Variants in SNRK observed in about 807,000 individuals in gnomAD.
SNRK encodes the protein SNF-related serine/threonine-protein kinase.
Under a neutral mutation model 48.2 loss-of-function variants are expected in SNRK, and 3 were observed. The observed-to-expected ratio is 0.06, with a 90% CI of 0.03 to 0.16. The LOEUF is 0.16. SNRK is among the 10% of genes least tolerant of loss of function. The pLI is 1.00. For missense variants in SNRK, 627 were observed against 976.0 expected, an observed-to-expected ratio of 0.64 and a Z score of 4.76; for synonymous variants, 376 against 366.1, an observed-to-expected ratio of 1.03 and a Z score of -0.31.
intron 3 of SNRK, among the ~76,000 whole-genome samples, chr3:43,305,265 A>G (rs1375576258): frequency 6.6e-6 from 1 of 152,126 alleles, no homozygotes; most frequent in East Asian, 1.9e-4. Context: ...CTATATATGC[A>G]CCTCAGAGTA....
intron 3 of SNRK, among the ~76,000 whole-genome samples, chr3:43,323,108 A>G (rs934625665): frequency 1.3e-5 from 2 of 152,146 alleles, no homozygotes; most frequent in African/African-American, 4.8e-5. Context: ...TTTTTCAGCA[A>G]TGCTGTGGCA....
chr3:43,324,524 AAAG>A (rs1317179559), intron 3 of SNRK, among the ~76,000 whole-genome samples: 1 of 152,060 alleles, frequency 6.6e-6, no homozygotes, highest in South Asian at 2.1e-4. Flanking sequence ...AAAAAAAAAA[AAAG>A]AATAAATCTT....
At chr3:43,340,601 A>G (rs1419609299) in intron 5 of SNRK, 102 bp downstream of exon 5, 9 of 999,874 alleles carry the variant, frequency 9.0e-6, no homozygotes, top group African/African-American at 4.9e-5. Flanking sequence ...AATAGATAAG[A>G]GTTCCCAGTT....
At chr3:43,302,121 C>T (rs2090902143) in intron 2 of SNRK, among the ~76,000 whole-genome samples, 1 of 152,156 alleles carries the variant, frequency 6.6e-6, no homozygotes, top group Admixed American at 6.5e-5. Context: ...TTGTGATTGA[C>T]AGTTGGAAAA....
In SNRK at chr3:43,286,573, C is replaced by G. The variant is rs1245689923; in HGVS notation, c.-271C>G. The G allele has an allele frequency of 6.6e-6, 1 of 150,698 alleles. No individual in the cohort carries two copies. The highest frequency in any genetic ancestry group is 1.9e-4 in the East Asian group (1 of 5,140). 9.3% of individuals were successfully genotyped at this position (150,698 alleles called of 1,614,324 possible). On this transcript the variant is annotated 5_prime_UTR_variant, in exon 1 of 7. Coordinates refer to ENST00000296088, the MANE Select transcript of SNRK (RefSeq NM_017719.5). ...GGCACCCCCTCCCCGCGGCCGGCAGCCCGCTCGGTATTATGATTAGCGCTG... is the reference window on the plus strand; with the variant it reads ...GGCACCCCCTCCCCGCGGCCGGCAGGCCGCTCGGTATTATGATTAGCGCTG...
chr3:43,303,973 G>A lies in SNRK; in HGVS notation c.589+181G>A, dbSNP rs1222378915. Among the ~76,000 whole-genome samples the A allele has an allele frequency of 1.3e-5, 2 of 152,158 alleles. No homozygotes were observed. The highest frequency in any genetic ancestry group is 4.8e-5 in the African/African-American group (2 of 41,428). ...GGCATTTCGTTTATTTCAACCTTTA[G>A]ATGGCAAATGTCTAAAGTATATTTG... On this transcript the variant is annotated intron_variant, in intron 3 of 6. Coordinates refer to ENST00000296088, the MANE Select transcript of SNRK (RefSeq NM_017719.5). This position sits in a 1 kb window ranked among gnomAD's most constrained non-coding sequence, Gnocchi z 6.2.
chr3:43,300,333 T>G (rs903686603), intron 2 of SNRK, among the ~76,000 whole-genome samples: 4 of 152,180 alleles, frequency 2.6e-5, no homozygotes, highest in Non-Finnish European at 4.4e-5. Context: ...AAAAAAAAGC[T>G]TTTTCATTTA....
At chr3:43,333,957 T>A (rs917858779) in intron 4 of SNRK, among the ~76,000 whole-genome samples, 1 of 151,766 alleles carries the variant, frequency 6.6e-6, no homozygotes, top group Non-Finnish European at 1.5e-5. Context: ...ACCAGCCTGA[T>A]CAACATGGTG....
intron 4 of SNRK, among the ~76,000 whole-genome samples, chr3:43,335,646 C>CT (rs1394179004): frequency 3.3e-5 from 5 of 152,126 alleles, no homozygotes; most frequent in African/African-American, 1.2e-4. Context: ...CCTACTGGAT[C>CT]TATCAGTTAC....
intron 1 of SNRK, among the ~76,000 whole-genome samples, chr3:43,288,078 A>G (rs1170148375): frequency 6.6e-6 from 1 of 152,216 alleles, no homozygotes; most frequent in African/African-American, 2.4e-5. Context: ...GAACAGGTGG[A>G]CATTCCCATT....
At chr3:43,308,836 T>G (rs1224510947) in intron 3 of SNRK, among the ~76,000 whole-genome samples, 3 of 152,210 alleles carry the variant, frequency 2.0e-5, no homozygotes, top group African/African-American at 7.2e-5. Context: ...AGGCTATGGC[T>G]GCCATTGGTA....
rs757110662 is a variant in SNRK, at chr3:43,347,914, G to A, written c.1655G>A (p.Arg552Gln). ...ETSDDDSESRRRLDKDSGFTY... is the reference protein window; with the variant it reads ...ETSDDDSESRQRLDKDSGFTY... ...AGTGATGATGATTCTGAAAGCCGGC[G>A]GCGGCTCGATAAAGATAGCGGGTTC... is the stretch of plus-strand genomic sequence containing the variant. The change falls in exon 7 of 7, where the codon CGG (arginine) becomes CAG (glutamine). Residue 552 changes from arginine (R) to glutamine (Q), a missense_variant. Arg to Gln is a conservative substitution (Grantham distance 43). Around this residue, in one of 4 missense-constraint regions of SNRK, gnomAD observed 98 missense variants for 175.2 expected, o/e 0.56. Transcript: ENST00000296088. This position sits in a 1 kb window ranked among gnomAD's most constrained non-coding sequence, Gnocchi z 5.4. The A allele has an allele frequency of 3.7e-6, 6 of 1,613,992 alleles. No homozygotes were observed. In the Admixed American group the frequency reaches 5.0e-5, roughly 13 times the overall value.
chr3:43,298,673 G>A (rs1334361651), intron 1 of SNRK, among the ~76,000 whole-genome samples: 1 of 152,178 alleles, frequency 6.6e-6, no homozygotes, highest in Non-Finnish European at 1.5e-5. Flanking sequence ...AAATTATCAT[G>A]TTGGCATAAT....
chr3:43,321,867 TACTTTCTGTGTG>T (rs2091056293), intron 3 of SNRK, among the ~76,000 whole-genome samples: 1 of 152,330 alleles, frequency 6.6e-6, no homozygotes, highest in South Asian at 2.1e-4. Flanking sequence ...AGGTGGTTGT[TACTTTCTGTGTG>T]ACTTAATGAG....
Position 43,348,087 on chromosome 3 carries a change from A to C in SNRK, c.1828A>C (p.Ser610Arg), listed in dbSNP as rs1193295272. ...ENNAGGGSPS[S>R]GSGGNPTNTS... ...CAATGCTGGTGGGGGCAGTCCCTCC[A>C]GCGGCTCGGGTGGCAACCCCACCAA... Residue 610 changes from serine to arginine, a missense_variant, in exon 7 of 7, where the codon AGC becomes CGC. Physicochemically the swap from Ser to Arg is moderately radical, Grantham distance 110 (BLOSUM62 -1). Transcript: ENST00000296088. 6.3e-7 allele frequency: 1 copy of C among 1,592,358 alleles called. No homozygotes were observed. The highest frequency in any genetic ancestry group is 8.6e-7 in the Non-Finnish European group (1 of 1,169,360).
At chr3:43,336,033 T>A (rs2091185265) in intron 4 of SNRK, among the ~76,000 whole-genome samples, 1 of 152,210 alleles carries the variant, frequency 6.6e-6, no homozygotes, top group Non-Finnish European at 1.5e-5. Context: ...GAGAGTTTAT[T>A]CCATTTACAT....
At chr3:43,306,265 C>G (rs1482436089) in intron 3 of SNRK, among the ~76,000 whole-genome samples, 1 of 5,702 alleles carries the variant, frequency 1.8e-4, no homozygotes, top group African/African-American at 1.9e-4. Context: ...TTCTGTTAAT[C>G]TACATTAGTT....
chr3:43,300,965 T>C (rs1056957297), intron 2 of SNRK, among the ~76,000 whole-genome samples: 26 of 152,252 alleles, frequency 1.7e-4, no homozygotes, highest in Non-Finnish European at 2.6e-4. Flanking sequence ...CCCAGCTCTT[T>C]TACACACTGG....
At chr3:43,301,702 T>G (rs926068371) in intron 2 of SNRK, among the ~76,000 whole-genome samples, 5 of 152,234 alleles carry the variant, frequency 3.3e-5, no homozygotes, top group African/African-American at 1.2e-4. Flanking sequence ...ACTCAATAAT[T>G]AATGCTCTTA....
Sources: allele counts gnomAD v4.1 joint callset (sites outside exome capture counted in the v4.1 genomes callset), GRCh38; gene constraint gnomAD v4.1.1; regional missense constraint gnomAD v4.1.1; non-coding constraint Gnocchi (gnomAD v3.1); transcripts MANE v1.5; gene names NCBI Gene and HGNC (gene_info 2026-07-23, HGNC 2026-07-21).